The following TATDN1 variants were observed in gnomAD, a reference collection of about 807,000 sequenced individuals.
TATDN1 encodes the protein TatD DNase domain containing 1.
Under a neutral mutation model 46.4 loss-of-function variants are expected in TATDN1, and 40 were observed. That is an observed-to-expected ratio of 0.86 (90% CI 0.67 to 1.12). TATDN1 has a LOEUF of 1.12. Ranked by LOEUF, TATDN1 falls within the 50% of genes most tolerant of loss-of-function variation. The probability of loss-of-function intolerance (pLI) is 0.00; values close to 1 mark genes in which losing one functional copy is unlikely to be tolerated. For missense variants in TATDN1, 326 were observed against 348.4 expected (o/e 0.94, Z 0.51); for synonymous variants, 95 against 105.6 (o/e 0.90, Z 0.62).
rs183357657 is a variant in TATDN1 at position 124,517,700 on chromosome 8, T to G, written c.202+1118A>C. Among the ~76,000 whole-genome samples, 93 of 152,294 alleles carry G rather than the reference T, an allele frequency of 6.1e-4. 1 individual carries two copies. In the East Asian group the frequency reaches 0.017, roughly 27 times the overall value. The stretch of plus-strand genomic sequence containing the variant: ...CTTTAATAATCAGTCTTAAAACTTT[T>G]AAGATTTTAAACAAATGCAAAATGT... On this transcript the variant is annotated intron_variant, in intron 4 of 11. Transcript: ENST00000276692.
chr8:124,488,895 A>T lies in TATDN1; in HGVS notation c.792-199T>A, dbSNP rs112427962. Reference sequence around the variant, plus strand: ...GAAACAGATTTATGGACTGTCTTGCATATAACTAGAGCTAAGAACCAGGTT... The same window carrying T: ...GAAACAGATTTATGGACTGTCTTGCTTATAACTAGAGCTAAGAACCAGGTT... On this transcript the variant is annotated intron_variant, in intron 11 of 11. Coordinates refer to ENST00000276692, the MANE Select transcript of TATDN1 (RefSeq NM_032026.4). 586 of 518,188 alleles carry T rather than the reference A, an allele frequency of 1.1e-3. 4 individuals carry two copies. Among genetic ancestry groups the T allele is most frequent in the African/African-American group, 0.01 (523 of 50,634 alleles). The allele number at this position is 518,188 out of a possible 1,614,324, so 32.1% of individuals were successfully genotyped here.
At chr8:124,514,607 C>T (rs1332155427) in intron 6 of TATDN1, among the ~76,000 whole-genome samples, 1 of 152,124 alleles carries the variant, frequency 6.6e-6, no homozygotes, top group African/African-American at 2.4e-5. Flanking sequence ...TAAATTAACC[C>T]CCTTTAGAAG....
At position 124,493,245 on chromosome 8, in the gene TATDN1, C is replaced by G. The variant is rs181947704; in HGVS notation, c.791+588G>C. The stretch of plus-strand genomic sequence containing the variant: ...GTCTGAATTGGTAAATCATATAAGA[C>G]TGATATAATCTAGATTAATTTAAAT... On this transcript the variant is annotated intron_variant, in intron 11 of 11. Coordinates refer to ENST00000276692, the MANE Select transcript of TATDN1 (RefSeq NM_032026.4). Among the ~76,000 whole-genome samples the G allele has an allele frequency of 5.9e-3, 895 of 152,248 alleles. 8 individuals are homozygous for G. The highest frequency in any genetic ancestry group is 9.4e-3 in the Non-Finnish European group (636 of 68,020).
intron 1 of TATDN1, among the ~76,000 whole-genome samples, chr8:124,529,731 T>C (rs2131555412): frequency 6.6e-6 from 1 of 152,360 alleles, no homozygotes; most frequent in South Asian, 2.1e-4. Flanking sequence ...ACTGTAGGGA[T>C]ATATTTTTAA....
At chr8:124,505,246 T>C (rs1486206801) in intron 8 of TATDN1, among the ~76,000 whole-genome samples, 2 of 150,906 alleles carry the variant, frequency 1.3e-5, no homozygotes, top group African/African-American at 4.9e-5. Context: ...TAGCTGGGCA[T>C]GGTGGCGCAT....
At chr8:124,536,684 G>A (rs913093587) in intron 1 of TATDN1, among the ~76,000 whole-genome samples, 1 of 152,188 alleles carries the variant, frequency 6.6e-6, no homozygotes, top group Non-Finnish European at 1.5e-5. Flanking sequence ...TTCATAAAAT[G>A]GGTTCAATTT....
rs190613900 is a variant in TATDN1 at position 124,529,595 on chromosome 8, T to C, written c.23-6593A>G. Among the ~76,000 whole-genome samples, 98 of 152,332 alleles carry C rather than the reference T, an allele frequency of 6.4e-4. 2 individuals carry two copies. In the East Asian group the frequency reaches 0.018, roughly 28 times the overall value. On this transcript the variant is annotated intron_variant, in intron 1 of 11. Transcript: ENST00000276692. Reference sequence around the variant, plus strand: ...GAATGGGGGGCACAAGTGATACTCCTGAGGATGTCTTAATTAGCAGATGTA... The same window carrying C: ...GAATGGGGGGCACAAGTGATACTCCCGAGGATGTCTTAATTAGCAGATGTA...
chr8:124,532,067 A>G (rs1821008283), intron 1 of TATDN1, among the ~76,000 whole-genome samples: 1 of 151,300 alleles, frequency 6.6e-6, no homozygotes, highest in Admixed American at 6.6e-5. Flanking sequence ...GGAGCAAGGA[A>G]GAAGGAAGAG....
At chr8:124,531,916 T>C (rs16899663) in intron 1 of TATDN1, among the ~76,000 whole-genome samples, 4,285 of 152,310 alleles carry the variant, frequency 0.028, 213 homozygotes, top group African/African-American at 0.098. Context: ...GGGTGCTGGG[T>C]AGGACTGGAT....
chr8:124,503,999 G>C (rs780454482), intron 9 of TATDN1: 53 of 1,218,630 alleles, frequency 4.3e-5, no homozygotes, highest in Non-Finnish European at 5.7e-5. Context: ...GAATAAATTG[G>C]ATTACCAGAG....
At chr8:124,511,266 T>C (rs1045945608) in intron 6 of TATDN1, among the ~76,000 whole-genome samples, 1 of 152,194 alleles carries the variant, frequency 6.6e-6, no homozygotes, top group Non-Finnish European at 1.5e-5. Context: ...CAGGAGCAGT[T>C]GTTATTAATT....
chr8:124,492,078 G>A (rs1381595595), intron 11 of TATDN1, among the ~76,000 whole-genome samples: 3 of 151,700 alleles, frequency 2.0e-5, no homozygotes, highest in African/African-American at 4.8e-5. Flanking sequence ...AGGTTCAAGC[G>A]ATTCTCCTGC....
At chr8:124,530,860 T>A (rs1820892543) in intron 1 of TATDN1, among the ~76,000 whole-genome samples, 2 of 152,280 alleles carry the variant, frequency 1.3e-5, no homozygotes, top group East Asian at 3.9e-4. Flanking sequence ...GACTATTGCC[T>A]TTTTCTGGGT....
intron 9 of TATDN1, 54 bp from the exon 10 acceptor site, chr8:124,495,596 T>C: frequency 1.5e-6 from 2 of 1,364,020 alleles, no homozygotes; most frequent in Non-Finnish European, 2.0e-6. Context: ...GAATACCTTT[T>C]TTCGTATCAC....
intron 4 of TATDN1, among the ~76,000 whole-genome samples, chr8:124,516,529 C>T (rs1303842947): frequency 1.3e-5 from 2 of 151,454 alleles, no homozygotes; most frequent in Non-Finnish European, 1.5e-5. Flanking sequence ...AGGCTGGTCT[C>T]GAACTCCTGA....
intron 3 of TATDN1, among the ~76,000 whole-genome samples, chr8:124,519,339 A>G (rs1586645035): frequency 6.6e-6 from 1 of 151,946 alleles, no homozygotes; most frequent in Non-Finnish European, 1.5e-5. Flanking sequence ...TTTCACTCTC[A>G]CTCTACTGCA....
chr8:124,520,424 G>A (rs1453862194), intron 3 of TATDN1, among the ~76,000 whole-genome samples: 3 of 150,844 alleles, frequency 2.0e-5, no homozygotes, highest in Non-Finnish European at 3.0e-5. Context: ...GGGACAGAGC[G>A]AGACTCGCCT....
At chr8:124,533,460 G>C (rs1389266572) in intron 1 of TATDN1, among the ~76,000 whole-genome samples, 2 of 151,430 alleles carry the variant, frequency 1.3e-5, no homozygotes, top group African/African-American at 4.8e-5. Context: ...GCCTTGATGA[G>C]GCCTGAGGGG....
chr8:124,493,693 C>A (rs1369002283), intron 11 of TATDN1, 140 bp downstream of exon 11: 3 of 893,652 alleles, frequency 3.4e-6, no homozygotes, highest in Non-Finnish European at 5.0e-6. Context: ...TCCTCCAAAT[C>A]ACTGCATTAA....
Sources: gnomAD v4.1 joint callset for allele counts (sites outside exome capture counted in the v4.1 genomes callset) on GRCh38, gnomAD v4.1.1 for gene constraint, MANE v1.5 for transcripts, NCBI Gene and HGNC (gene_info 2026-07-23, HGNC 2026-07-21) for gene names.